THSD7A: variants seen among roughly 807,000 people sequenced by gnomAD.
THSD7A encodes the protein thrombospondin type 1 domain containing 7A.
THSD7A carries 96 observed loss-of-function variants against 231.3 expected under a neutral mutation model. The ratio of observed to expected loss-of-function variants is 0.41; its 90% confidence interval spans 0.35 to 0.49. The LOEUF is 0.49. Ranked by LOEUF, THSD7A falls within the 20% of genes least tolerant of loss-of-function variation. The pLI is 0.05. For synonymous variants in THSD7A, 940 were observed against 743.3 expected, an observed-to-expected ratio of 1.26 and a Z score of -4.30; for missense variants, 2,290 against 2,070.2, an observed-to-expected ratio of 1.11 and a Z score of -2.06.
At chr7:11,580,895 A>G (rs773107091) in intron 4 of THSD7A, among the ~76,000 whole-genome samples, 3 of 152,174 alleles carry the variant, frequency 2.0e-5, no homozygotes, top group Non-Finnish European at 2.9e-5. Flanking sequence ...TAAAATACAA[A>G]TTAAAATAAA....
intron 7 of THSD7A, among the ~76,000 whole-genome samples, chr7:11,476,843 T>TAAAAAAAAAAAAAAAA (rs1562641302): frequency 7.6e-6 from 1 of 131,692 alleles, no homozygotes; most frequent in African/African-American, 2.5e-5. Context: ...AAAGATAGTG[T>TAAAAAAAAAAAAAAAA]AGAAAGCGAT....
At chr7:11,735,313 T>G (rs1583238656) in intron 1 of THSD7A, among the ~76,000 whole-genome samples, 1 of 152,022 alleles carries the variant, frequency 6.6e-6, no homozygotes, top group African/African-American at 2.4e-5. Context: ...AATTACAGGT[T>G]GAGCATCCCT....
chr7:11,537,214 T>C (rs1035990892), intron 6 of THSD7A, among the ~76,000 whole-genome samples: 4 of 152,136 alleles, frequency 2.6e-5, no homozygotes, highest in Admixed American at 6.5e-5. Flanking sequence ...ACATATCTTA[T>C]TACAGAAGGA....
Position 11,636,807 on chromosome 7 carries a change from G to T in THSD7A, c.345C>A (p.Cys115Ter). 6.2e-7 allele frequency: 1 copy of T among 1,613,856 alleles called. No individual in the cohort carries two copies. Among genetic ancestry groups the T allele is most frequent in the Non-Finnish European group, 8.5e-7 (1 of 1,179,864 alleles). ...AGTCGTACAACTCTTTGTGCCAATC[G>T]CAAACTTTGAAACAATTCTGCTGGT... ...PNNQQNCFKVCDWHKELYDWR... is the reference protein window; with the variant it reads ...PNNQQNCFKV The change falls in exon 2 of 28, where the codon TGC (cysteine) becomes TGA (stop). Residue 115 changes from cysteine to a stop codon, truncating the protein, a stop_gained. Coordinates refer to ENST00000423059, the MANE Select transcript of THSD7A (RefSeq NM_015204.3). LOFTEE classifies it high-confidence loss of function. This position sits in a 1 kb window ranked among gnomAD's most constrained non-coding sequence, Gnocchi z 10.0.
At chr7:11,610,908 A>G (rs892285386) in intron 2 of THSD7A, among the ~76,000 whole-genome samples, 2 of 152,142 alleles carry the variant, frequency 1.3e-5, no homozygotes, top group Non-Finnish European at 2.9e-5. Flanking sequence ...ACTGAAAGCT[A>G]TTTCTCTTTA....
At chr7:11,556,634 A>C (rs1450539400) in intron 4 of THSD7A, among the ~76,000 whole-genome samples, 1 of 151,748 alleles carries the variant, frequency 6.6e-6, no homozygotes, top group African/African-American at 2.4e-5. Flanking sequence ...AACTTTCTTT[A>C]GCTATTCTTT....
In THSD7A at chr7:11,373,755, T is replaced by G. The variant is rs1782153498; in HGVS notation, c.*2039A>C. ...AGCAGGGGGAGTTCATACTCCAGTA[T>G]GAAGGTAAAAATACCTTCTAATCCA... On this transcript the variant is annotated 3_prime_UTR_variant, in exon 28 of 28. Coordinates refer to ENST00000423059, the MANE Select transcript of THSD7A (RefSeq NM_015204.3). 6.6e-6 allele frequency: 1 copy of G among 152,086 alleles called. No homozygotes were observed. Among genetic ancestry groups the G allele is most frequent in the Admixed American group, 6.6e-5 (1 of 15,224 alleles). The allele number at this position is 152,086 out of a possible 1,614,324, so 9.4% of individuals were successfully genotyped here.
In THSD7A at chr7:11,374,546, C is replaced by T. The variant is rs1403776807; in HGVS notation, c.*1248G>A. On this transcript the variant is annotated 3_prime_UTR_variant, in exon 28 of 28. Transcript: ENST00000423059. The stretch of plus-strand genomic sequence containing the variant: ...AAAAATCAACATATAATTTTGATTT[C>T]CTTTAGTTACAAAGGTCATTGATAC... 6.6e-6 allele frequency: 1 copy of T among 151,942 alleles called. No individual in the cohort carries two copies. Among genetic ancestry groups the T allele is most frequent in the African/African-American group, 2.4e-5 (1 of 41,382 alleles). 9.4% of individuals were successfully genotyped at this position (151,942 alleles called of 1,614,324 possible).
At chr7:11,707,182 TC>T (rs1272072707) in intron 1 of THSD7A, among the ~76,000 whole-genome samples, 2 of 150,868 alleles carry the variant, frequency 1.3e-5, no homozygotes, top group Non-Finnish European at 3.0e-5. Flanking sequence ...TGAATTCTCT[TC>T]TTTAGCCATA....
chr7:11,522,399 T>A (rs1279625669), intron 6 of THSD7A, among the ~76,000 whole-genome samples: 5 of 152,212 alleles, frequency 3.3e-5, no homozygotes, highest in Non-Finnish European at 7.3e-5. Flanking sequence ...TTTCATTGCA[T>A]TGATTTCCAC....
chr7:11,628,060 G>A (rs867437690), intron 2 of THSD7A, among the ~76,000 whole-genome samples: 4 of 151,970 alleles, frequency 2.6e-5, no homozygotes, highest in African/African-American at 7.3e-5. Context: ...TTATGTTAAA[G>A]TTTTAATTAT....
At chr7:11,777,309 A>G (rs1419323271) in intron 1 of THSD7A, among the ~76,000 whole-genome samples, 1 of 152,124 alleles carries the variant, frequency 6.6e-6, no homozygotes, top group Non-Finnish European at 1.5e-5. Flanking sequence ...CACATATTAA[A>G]CAACACAGAA....
In THSD7A at chr7:11,377,873, A is replaced by G. The variant is rs1408449206; in HGVS notation, c.4801+1197T>C. 1 of 151,244 alleles carries G rather than the reference A, an allele frequency of 6.6e-6. No homozygotes were observed. The highest frequency in any genetic ancestry group is 2.4e-5 in the African/African-American group (1 of 41,212). 9.4% of individuals were successfully genotyped at this position (151,244 alleles called of 1,614,324 possible). On this transcript the variant is annotated intron_variant, in intron 26 of 27. Transcript: ENST00000423059. The surrounding 1 kb of genome is among the most constrained non-coding windows in gnomAD (Gnocchi z 4.5). ...TGACAATAATATTCTTTTTTTTTTC[A>G]AAAGGACTGGTTTTGATCTGAGGAG...
intron 4 of THSD7A, among the ~76,000 whole-genome samples, chr7:11,583,385 T>A (rs1293640697): frequency 3.3e-5 from 5 of 152,148 alleles, no homozygotes; most frequent in African/African-American, 1.2e-4. Context: ...CAAGAGATCC[T>A]CTTACCTCAG....
In THSD7A at chr7:11,374,606, A is replaced by G. The variant is rs1488501815; in HGVS notation, c.*1188T>C. 4 of 128,256 alleles carry G rather than the reference A, an allele frequency of 3.1e-5. No homozygotes were observed. The highest frequency in any genetic ancestry group is 6.5e-5 in the Non-Finnish European group (4 of 61,476). The allele number at this position is 128,256 out of a possible 1,614,324, so 7.9% of individuals were successfully genotyped here. ...TTTCTCCATCTGCTCAAAATTAAAA[A>G]GACATCCAGTTCCTTTTTCTTTTTT... On this transcript the variant is annotated 3_prime_UTR_variant, in exon 28 of 28. Transcript: ENST00000423059.
At chr7:11,820,464 A>C (rs1318520543) in intron 1 of THSD7A, 1 of 1,214,134 alleles carries the variant, frequency 8.2e-7, no homozygotes, top group Non-Finnish European at 1.1e-6. Context: ...ACCGGCCCTG[A>C]CCCGGAGGTC....
chr7:11,384,492 C>T (rs1408710377), intron 23 of THSD7A: 1 of 151,772 alleles, frequency 6.6e-6, no homozygotes, highest in Non-Finnish European at 1.5e-5. Context: ...ACAGTTTGTT[C>T]TTCATCTTTA....
At chr7:11,574,610 T>G (rs1172807543) in intron 4 of THSD7A, among the ~76,000 whole-genome samples, 1 of 151,368 alleles carries the variant, frequency 6.6e-6, no homozygotes, top group Non-Finnish European at 1.5e-5. Flanking sequence ...AATTTTTTTT[T>G]TTTTTTTAGT....
intron 13 of THSD7A, among the ~76,000 whole-genome samples, chr7:11,440,166 T>C (rs987955183): frequency 2.6e-5 from 4 of 152,030 alleles, no homozygotes; most frequent in Non-Finnish European, 4.4e-5. Context: ...TGGATGATAC[T>C]GCATCTGTTT....
Sources: allele counts gnomAD v4.1 joint callset (sites outside exome capture counted in the v4.1 genomes callset), GRCh38; gene constraint gnomAD v4.1.1; non-coding constraint Gnocchi (gnomAD v3.1); transcripts MANE v1.5; gene names NCBI Gene and HGNC (gene_info 2026-07-23, HGNC 2026-07-21).